Variants in FBXO10 observed in about 807,000 individuals in gnomAD.
FBXO10 encodes F-box protein 10.
A neutral mutation model predicts 80.7 loss-of-function variants in FBXO10; 39 were observed. That is an observed-to-expected ratio of 0.48 (90% CI 0.37 to 0.63). The LOEUF is 0.63. Ranked by LOEUF, FBXO10 falls within the 30% of genes least tolerant of loss-of-function variation. The pLI is 0.00. For missense variants in FBXO10, 1,025 were observed against 1,269.0 expected (o/e 0.81, Z 2.92); for synonymous variants, 449 against 489.6 (o/e 0.92, Z 1.09).
chr9:37,564,055 C>T (rs1334541286), intron 1 of FBXO10, among the ~76,000 whole-genome samples: 1 of 152,264 alleles, frequency 6.6e-6, no homozygotes, highest in Non-Finnish European at 1.5e-5. Flanking sequence ...GGACCCTCTG[C>T]TCTGTGCAGC....
intron 1 of FBXO10, among the ~76,000 whole-genome samples, chr9:37,554,969 T>C (rs1206503730): frequency 6.6e-6 from 1 of 152,188 alleles, no homozygotes; most frequent in African/African-American, 2.4e-5. Context: ...GTGGAATTCC[T>C]AGGTTCTTTT....
At chr9:37,568,698 T>C (rs1255389611) in intron 1 of FBXO10, among the ~76,000 whole-genome samples, 1 of 152,044 alleles carries the variant, frequency 6.6e-6, no homozygotes, top group African/African-American at 2.4e-5. Context: ...GTTCACGTGG[T>C]CTAAGGTCGG....
chr9:37,526,246 A>G (rs1463860188), intron 5 of FBXO10, among the ~76,000 whole-genome samples: 1 of 152,204 alleles, frequency 6.6e-6, no homozygotes. Flanking sequence ...AGAGAAACAT[A>G]TATAACATAT....
chr9:37,537,257 G>A lies in FBXO10; in HGVS notation c.1272C>T (p.Ala424=), dbSNP rs766752773. The change falls in exon 3 of 11, where the codon GCC becomes GCT. Residue 424 remains alanine, a synonymous_variant. Coordinates refer to ENST00000432825, the MANE Select transcript of FBXO10 (RefSeq NM_012166.3). ...LQKDKEAMAL[A]NSVQGCLIRK... ...GGATGAGGCAGCCCTGCACGGAGTTGGCCAGTGCCATGGCCTCCTTATCCT... is the reference window on the plus strand; with the variant it reads ...GGATGAGGCAGCCCTGCACGGAGTTAGCCAGTGCCATGGCCTCCTTATCCT... The A allele has an allele frequency of 3.7e-5, 59 of 1,613,762 alleles. No homozygotes were observed. In the Admixed American group the frequency reaches 9.8e-4, roughly 27 times the overall value.
Position 37,518,172 on chromosome 9 carries a change from C to T in FBXO10, c.2467G>A (p.Gly823Ser). The change falls in exon 9 of 11, where the codon GGC becomes AGC. Residue 823 changes from glycine (G) to serine (S), a missense_variant. Gly to Ser is a moderately conservative substitution (Grantham distance 56). Transcript: ENST00000432825. ...AGCTGCAGCCCGCTGCCCCGGTTGC[C>T]AATGATATCGTTTTCAATGACGATG... ...STIVIENDII[G>S]NRGSGLQLLP... The T allele has an allele frequency of 6.2e-7, 1 of 1,614,040 alleles. No individual in the cohort carries two copies. Among genetic ancestry groups the T allele is most frequent in the African/African-American group, 1.3e-5 (1 of 75,070 alleles).
At position 37,554,934 on chromosome 9, in the gene FBXO10, A is replaced by AT. The variant is rs1183926268; in HGVS notation, c.-6-13161dup. Among the ~76,000 whole-genome samples, 5 of 152,194 alleles carry AT rather than the reference A, an allele frequency of 3.3e-5. No homozygotes were observed. In the East Asian group the frequency reaches 7.7e-4, roughly 24 times the overall value. On this transcript the variant is annotated intron_variant, in intron 1 of 10. Coordinates refer to ENST00000432825, the MANE Select transcript of FBXO10 (RefSeq NM_012166.3). Reference sequence around the variant, plus strand: ...TAAGTGTTTTTGTGGACACGTTTTAATTTTTCTTGAGTCAATACTTAGGAG... The same window carrying AT: ...TAAGTGTTTTTGTGGACACGTTTTAATTTTTTCTTGAGTCAATACTTAGGAG...
chr9:37,522,498 A>G, intron 7 of FBXO10: 14 of 1,074,288 alleles, frequency 1.3e-5, no homozygotes, highest in Non-Finnish European at 1.4e-5. Flanking sequence ...TCTGGGATCA[A>G]AAGAAAGGAT....
chr9:37,534,924 C>T (rs1238807321), intron 3 of FBXO10, among the ~76,000 whole-genome samples: 1 of 152,148 alleles, frequency 6.6e-6, no homozygotes, highest in East Asian at 1.9e-4. Flanking sequence ...AAAAGTCCTG[C>T]TCTCAAGACC....
intron 5 of FBXO10, among the ~76,000 whole-genome samples, chr9:37,527,127 A>G (rs1821497404): frequency 6.6e-6 from 1 of 152,170 alleles, no homozygotes; most frequent in Non-Finnish European, 1.5e-5. Flanking sequence ...TTGGGATTAC[A>G]GGCATGAGGC....
chr9:37,538,198 C>G (rs1158138291), intron 2 of FBXO10, among the ~76,000 whole-genome samples: 1 of 152,002 alleles, frequency 6.6e-6, no homozygotes, highest in African/African-American at 2.4e-5. Flanking sequence ...TAGATGATGG[C>G]AGAAAAGTTC....
chr9:37,537,276 T>C lies in FBXO10; in HGVS notation c.1253A>G (p.Lys418Arg), dbSNP rs1485399714. The C allele has an allele frequency of 3.1e-6, 5 of 1,613,608 alleles. No individual in the cohort carries two copies. The highest frequency in any genetic ancestry group is 1.1e-5 in the South Asian group (1 of 91,072). ...GGAGTTGGCCAGTGCCATGGCCTCC[T>C]TATCCTTCTGCAGCTCCTGCTGCAG... ...NSLQQELQKD[K>R]EAMALANSVQ... The change falls in exon 3 of 11, where the codon AAG (lysine) becomes AGG (arginine). Residue 418 changes from lysine (K) to arginine (R), a missense_variant. This residue lies in a region of FBXO10 where 478 missense variants were observed against 667.8 expected (regional missense o/e 0.72). Transcript: ENST00000432825.
intron 7 of FBXO10, 41 bp from the exon 8 acceptor site, chr9:37,521,879 G>C: frequency 6.6e-7 from 1 of 1,518,220 alleles, no homozygotes; most frequent in South Asian, 1.3e-5. Flanking sequence ...ACTGAACTCA[G>C]GTGAAGCGGC....
Position 37,531,960 on chromosome 9 carries a change from G to C in FBXO10, c.1518C>G (p.His506Gln). ...GGLIAGNNIY[H>Q]NAEAGVDIRK... ...GGATGTCTACACCAGCCTCTGCATT[G>C]TGGTAAATGTTGTTGCCGGCAATCA... The change falls in exon 4 of 11, where the codon CAC becomes CAG. Residue 506 changes from histidine to glutamine, a missense_variant. Around this residue, in one of 3 missense-constraint regions of FBXO10, gnomAD observed 478 missense variants for 667.8 expected, o/e 0.72. Transcript: ENST00000432825. 1.2e-6 allele frequency: 2 copies of C among 1,614,012 alleles called. No homozygotes were observed. The highest frequency in any genetic ancestry group is 1.7e-6 in the Non-Finnish European group (2 of 1,179,884).
chr9:37,559,478 A>C (rs76515453), intron 1 of FBXO10, among the ~76,000 whole-genome samples: 2,029 of 152,308 alleles, frequency 0.013, 23 homozygotes, highest in Middle Eastern at 0.041. Flanking sequence ...GGTTCCTCAT[A>C]TATAAATTGG....
chr9:37,535,907 CAAT>C (rs1218626669), intron 3 of FBXO10: 1 of 152,242 alleles, frequency 6.6e-6, no homozygotes, highest in Non-Finnish European at 1.5e-5. Context: ...GCCATATTCT[CAAT>C]AACTATGCAA....
intron 8 of FBXO10, among the ~76,000 whole-genome samples, chr9:37,520,275 T>C (rs1270385560): frequency 6.6e-6 from 1 of 150,880 alleles, no homozygotes; most frequent in Non-Finnish European, 1.5e-5. Context: ...AGTAATTATT[T>C]TTTTTTAATT....
At chr9:37,563,023 T>C (rs1210391573) in intron 1 of FBXO10, among the ~76,000 whole-genome samples, 1 of 152,138 alleles carries the variant, frequency 6.6e-6, no homozygotes, top group Non-Finnish European at 1.5e-5. Context: ...ATAATCCCCA[T>C]GTGTCAGGGG....
intron 1 of FBXO10, among the ~76,000 whole-genome samples, chr9:37,550,465 A>G (rs1424520516): frequency 2.1e-5 from 3 of 145,334 alleles, no homozygotes; most frequent in Admixed American, 1.4e-4. Flanking sequence ...GATTACAGGC[A>G]TGAGCCACTG....
intron 5 of FBXO10, among the ~76,000 whole-genome samples, chr9:37,526,542 A>G (rs553547172): frequency 2.6e-5 from 4 of 152,190 alleles, no homozygotes; most frequent in Admixed American, 2.6e-4. Flanking sequence ...TTAGTTTCCT[A>G]TTGTTACTAT....
Sources: gnomAD v4.1 joint callset for allele counts (sites outside exome capture counted in the v4.1 genomes callset) on GRCh38, gnomAD v4.1.1 for gene constraint, gnomAD v4.1.1 regional missense constraint, MANE v1.5 for transcripts, NCBI Gene and HGNC (gene_info 2026-07-23, HGNC 2026-07-21) for gene names.